ANKFN1: variants seen among roughly 807,000 people sequenced by gnomAD.
ANKFN1 encodes the protein ankyrin repeat and fibronectin type-III domain-containing protein 1.
Under a neutral mutation model 108.7 loss-of-function variants are expected in ANKFN1, and 74 were observed. The observed-to-expected ratio is 0.68, with a 90% CI of 0.56 to 0.83. ANKFN1 has a LOEUF of 0.83. Among genes scored for constraint, ANKFN1 ranks in the 40% least tolerant of loss-of-function variants. ANKFN1 has a pLI of 0.00. For synonymous variants in ANKFN1, 547 were observed against 516.2 expected (o/e 1.06, Z -0.81); for missense variants, 1,505 against 1,382.3 (o/e 1.09, Z -1.41).
At chr17:56,307,755 G>C (rs1382970618) in intron 3 of ANKFN1, among the ~76,000 whole-genome samples, 1 of 152,156 alleles carries the variant, frequency 6.6e-6, no homozygotes, top group Admixed American at 6.5e-5. Flanking sequence ...TATGAATCAT[G>C]CTACTATAAA....
intron 15 of ANKFN1, chr17:56,472,496 A>G (rs1598675547): frequency 6.6e-6 from 1 of 152,218 alleles, no homozygotes; most frequent in Admixed American, 6.5e-5. Context: ...AGCACAGCAT[A>G]TTTTCTCCCT....
intron 4 of ANKFN1, among the ~76,000 whole-genome samples, chr17:56,117,802 G>A (rs1480158744): frequency 6.6e-6 from 1 of 152,024 alleles, no homozygotes; most frequent in Non-Finnish European, 1.5e-5. Flanking sequence ...TATTCATAAA[G>A]TTATGCAACC....
At chr17:56,380,984 T>C (rs1385852710) in intron 8 of ANKFN1, among the ~76,000 whole-genome samples, 1 of 152,184 alleles carries the variant, frequency 6.6e-6, no homozygotes, top group African/African-American at 2.4e-5. Flanking sequence ...GACTGCCTCC[T>C]CAAGTGGGTC....
At chr17:56,152,245 AAT>A (rs68089845), upstream of ANKFN1, among the ~76,000 whole-genome samples, 30,606 of 133,084 alleles carry the variant, frequency 0.23, 3,952 homozygotes, top group Middle Eastern at 0.33. Context: ...CTTGCAGGGA[AAT>A]ATATATATAT....
intron 8 of ANKFN1, among the ~76,000 whole-genome samples, chr17:56,383,194 T>C (rs1463539492): frequency 6.6e-6 from 1 of 151,966 alleles, no homozygotes; most frequent in Non-Finnish European, 1.5e-5. Flanking sequence ...ACCAGACAAC[T>C]ACATGGAAAC....
At chr17:56,262,347 G>A (rs1428918296) in intron 3 of ANKFN1, among the ~76,000 whole-genome samples, 2 of 152,182 alleles carry the variant, frequency 1.3e-5, no homozygotes, top group Admixed American at 6.5e-5. Flanking sequence ...GTTTCAATCC[G>A]TCGCAGCCAC....
At chr17:56,388,952 A>C (rs181528632) in intron 8 of ANKFN1, among the ~76,000 whole-genome samples, 7 of 150,648 alleles carry the variant, frequency 4.6e-5, no homozygotes, top group Non-Finnish European at 1.0e-4. Context: ...TTGCTCTTAC[A>C]TTGTTTGTGG....
At chr17:56,397,398 G>A (rs1197895993) in intron 8 of ANKFN1, among the ~76,000 whole-genome samples, 1 of 152,196 alleles carries the variant, frequency 6.6e-6, no homozygotes, top group Non-Finnish European at 1.5e-5. Context: ...TGGTTAAACT[G>A]TTCACTGCCA....
intron 3 of ANKFN1, among the ~76,000 whole-genome samples, chr17:56,292,425 G>A (rs575781173): frequency 6.6e-6 from 1 of 152,250 alleles, no homozygotes; most frequent in African/African-American, 2.4e-5. Context: ...CCGTGCCTGG[G>A]GGAAATAAAC....
At chr17:56,208,518 G>T (rs569612622) in intron 1 of ANKFN1, among the ~76,000 whole-genome samples, 93 of 152,304 alleles carry the variant, frequency 6.1e-4, no homozygotes, top group African/African-American at 2.1e-3. Context: ...TAGGGGTAAA[G>T]CCAGTGCCTT....
intron 8 of ANKFN1, among the ~76,000 whole-genome samples, chr17:56,401,177 C>T (rs1187525652): frequency 1.3e-5 from 2 of 152,064 alleles, no homozygotes; most frequent in East Asian, 3.8e-4. Flanking sequence ...TTGCTTTTGG[C>T]AGTATGGTCA....
chr17:56,424,391 G>A (rs1479994620), intron 8 of ANKFN1, among the ~76,000 whole-genome samples: 4 of 152,122 alleles, frequency 2.6e-5, no homozygotes, highest in Admixed American at 6.5e-5. Flanking sequence ...TCTGGCCCTC[G>A]CATTCATTCA....
intron 4 of ANKFN1, among the ~76,000 whole-genome samples, chr17:56,057,914 A>C (rs1238733127): frequency 6.6e-6 from 1 of 152,132 alleles, no homozygotes; most frequent in Non-Finnish European, 1.5e-5. Flanking sequence ...TCTCCATCGG[A>C]GCTCTTCAGT....
At chr17:56,049,540 C>G (rs966246517) in intron 4 of ANKFN1, among the ~76,000 whole-genome samples, 7 of 151,928 alleles carry the variant, frequency 4.6e-5, no homozygotes, top group African/African-American at 1.7e-4. Context: ...ATCCCTCCCC[C>G]TTCCCCCGAC....
At chr17:56,209,266 C>T (rs1029723865) in intron 1 of ANKFN1, among the ~76,000 whole-genome samples, 2 of 152,046 alleles carry the variant, frequency 1.3e-5, no homozygotes, top group Admixed American at 6.6e-5. Flanking sequence ...ATCCTATTGA[C>T]ACTATTTCAA....
At chr17:56,231,383 G>T (rs1471598397) in intron 3 of ANKFN1, among the ~76,000 whole-genome samples, 1 of 152,146 alleles carries the variant, frequency 6.6e-6, no homozygotes, top group Non-Finnish European at 1.5e-5. Context: ...TGCAGAGGAG[G>T]TCTATGGCCA....
chr17:56,213,700 A>G (rs1915210952), intron 2 of ANKFN1, among the ~76,000 whole-genome samples: 1 of 152,194 alleles, frequency 6.6e-6, no homozygotes, highest in South Asian at 2.1e-4. Flanking sequence ...GACTAATATG[A>G]TCTCTGGTTT....
intron 14 of ANKFN1, among the ~76,000 whole-genome samples, chr17:56,465,117 A>C (rs4794641): frequency 6.6e-6 from 1 of 151,664 alleles, no homozygotes; most frequent in African/African-American, 2.4e-5. Context: ...TTCCTTTTTC[A>C]CTAGCCAGTT....
rs61494269 is a variant in ANKFN1, at chr17:56,332,979, G to GTATATATA, written c.188+6638_188+6645dup. Among the ~76,000 whole-genome samples, 1,046 of 147,786 alleles carry GTATATATA rather than the reference G, an allele frequency of 7.1e-3. 10 individuals carry two copies. Among genetic ancestry groups the GTATATATA allele is most frequent in the African/African-American group, 0.024 (954 of 39,530 alleles). On this transcript the variant is annotated intron_variant, in intron 4 of 20. Coordinates refer to ENST00000682825, the MANE Select transcript of ANKFN1 (RefSeq NM_001370326.1). ...ATGAACAAGGTGTGTATATATGTGT[G>GTATATATA]TATATATATATATATATATATCTTC... is the stretch of plus-strand genomic sequence containing the variant.
Sources: allele counts gnomAD v4.1 joint callset (sites outside exome capture counted in the v4.1 genomes callset), GRCh38; gene constraint gnomAD v4.1.1; transcripts MANE v1.5; gene names NCBI Gene and HGNC (gene_info 2026-07-23, HGNC 2026-07-21).